Variants in TXNRD2 observed in about 807,000 individuals in gnomAD.
TXNRD2 encodes the protein thioredoxin reductase 2, also known as thioredoxin reductase 2, mitochondrial.
Under a neutral mutation model 70.8 loss-of-function variants are expected in TXNRD2, and 67 were observed. That is an observed-to-expected ratio of 0.95 (90% confidence interval 0.78 to 1.16). The LOEUF is 1.16. TXNRD2 is among the 50% of genes most tolerant of loss of function. The probability of loss-of-function intolerance (pLI) is 0.00; values close to 1 mark genes in which losing one functional copy is unlikely to be tolerated. For synonymous variants in TXNRD2, 301 were observed against 295.8 expected (o/e 1.02, Z -0.18); for missense variants, 644 against 719.9 (o/e 0.89, Z 1.21).
intron 8 of TXNRD2, among the ~76,000 whole-genome samples, chr22:19,902,406 A>G (rs1319755856): frequency 6.6e-6 from 1 of 152,220 alleles, no homozygotes; most frequent in Non-Finnish European, 1.5e-5. Flanking sequence ...TTAAAGAGCA[A>G]TCCATCTGCC....
At chr22:19,941,475 C>A in intron 1 of TXNRD2, 1 of 651,368 alleles carries the variant, frequency 1.5e-6, no homozygotes, top group Non-Finnish European at 2.3e-6. Flanking sequence ...CACAGCAGGA[C>A]CTTAGACAAG....
chr22:19,934,745 G>A (rs1417171246), intron 1 of TXNRD2, among the ~76,000 whole-genome samples: 1 of 151,890 alleles, frequency 6.6e-6, no homozygotes, highest in Non-Finnish European at 1.5e-5. Flanking sequence ...TGTACTTTCA[G>A]GAGAGACAGG....
rs565397993 is a variant in TXNRD2, at chr22:19,875,970, G to A, written c.*66-163C>T. 5.9e-5 allele frequency: 9 copies of A among 152,374 alleles called. No individual in the cohort carries two copies. In the East Asian group the frequency reaches 1.5e-3, roughly 26 times the overall value. The allele number at this position is 152,374 out of a possible 1,614,324, so 9.4% of individuals were successfully genotyped here. Reference sequence around the variant, plus strand: ...AGGGCGATGCGTCACAGGGAGCGACGCGGTGCTACAAAAATATTTTGAAAT... The same window carrying A: ...AGGGCGATGCGTCACAGGGAGCGACACGGTGCTACAAAAATATTTTGAAAT... On this transcript the variant is annotated intron_variant, in intron 17 of 17. Coordinates refer to ENST00000400521, the MANE Select transcript of TXNRD2 (RefSeq NM_006440.5).
rs1376947898 is a variant in TXNRD2 at position 19,893,590 on chromosome 22, C to G, written c.949+1817G>C. 2.6e-5 allele frequency among the ~76,000 whole-genome samples: 4 copies of G among 152,340 alleles called. No individual in the cohort carries two copies. In the South Asian group the frequency reaches 8.3e-4, roughly 32 times the overall value. On this transcript the variant is annotated intron_variant, in intron 11 of 17. Coordinates refer to ENST00000400521, the MANE Select transcript of TXNRD2 (RefSeq NM_006440.5). ...GCCAGTCCCGTCAGACAGCCCCGGC[C>G]CAGGCCTGGGCACAGGTATCCCCTG... is the stretch of plus-strand genomic sequence containing the variant.
intron 2 of TXNRD2, among the ~76,000 whole-genome samples, chr22:19,926,264 CG>C (rs1227656605): frequency 6.6e-6 from 1 of 151,400 alleles, no homozygotes; most frequent in Non-Finnish European, 1.5e-5. Flanking sequence ...CCGAGGTGGG[CG>C]GATCACCTGA....
chr22:19,884,743 G>T (rs776969413), intron 11 of TXNRD2, among the ~76,000 whole-genome samples: 7 of 152,200 alleles, frequency 4.6e-5, no homozygotes, highest in Non-Finnish European at 8.8e-5. Flanking sequence ...CCTGGGATCT[G>T]GCCCTCTGCC....
intron 5 of TXNRD2, among the ~76,000 whole-genome samples, chr22:19,917,449 CCCCAGGAAGACCCG>C (rs1397899927): frequency 2.6e-5 from 4 of 152,164 alleles, no homozygotes; most frequent in South Asian, 2.1e-4. Context: ...TGCTGTGAAG[CCCCAGGAAGACCCG>C]CCCTGGGGCC....
chr22:19,900,081 G>A (rs553720055), intron 8 of TXNRD2, among the ~76,000 whole-genome samples: 16 of 152,338 alleles, frequency 1.1e-4, no homozygotes, highest in South Asian at 2.1e-4. Context: ...GGTGCCCTGC[G>A]GGAAGCATCT....
Position 19,904,687 on chromosome 22 carries a change from C to A in TXNRD2, c.663-5619G>T, listed in dbSNP as rs554821467. 7.3e-4 allele frequency among the ~76,000 whole-genome samples: 111 copies of A among 152,292 alleles called. 1 individual carries two copies. The highest frequency in any genetic ancestry group is 3.4e-3 in the Middle Eastern group (1 of 294). ...GGGACGAGGGAGGCCTCGTGCACGC[C>A]GCAGAGCCCACCGAGGGCCTGGGGC... On this transcript the variant is annotated intron_variant, in intron 8 of 17. Coordinates refer to ENST00000400521, the MANE Select transcript of TXNRD2 (RefSeq NM_006440.5).
intron 8 of TXNRD2, among the ~76,000 whole-genome samples, chr22:19,899,690 C>T (rs1410782386): frequency 6.6e-6 from 1 of 152,270 alleles, no homozygotes; most frequent in African/African-American, 2.4e-5. Flanking sequence ...CCACACTCCA[C>T]ATGTGTTTTG....
In TXNRD2 at chr22:19,930,981, G is replaced by A. The variant is rs201153214; in HGVS notation, c.172+49C>T. On this transcript the variant is annotated intron_variant, in intron 2 of 17. Transcript: ENST00000400521. ...TTCTGGACAGCACCACCCTCTCTAGGGGCCCTAAAAGCTTCGAGGCCTTGC... is the reference window on the plus strand; with the variant it reads ...TTCTGGACAGCACCACCCTCTCTAGAGGCCCTAAAAGCTTCGAGGCCTTGC... 42 of 1,561,110 alleles carry A rather than the reference G, an allele frequency of 2.7e-5. No homozygotes were observed. The African/African-American group carries it at 5.1e-4, about 19-fold the overall frequency.
At position 19,911,427 on chromosome 22, in the gene TXNRD2, A is replaced by C; in HGVS notation, c.612T>G (p.Tyr204Ter). Residue 204 changes from tyrosine (Y) to a stop codon, truncating the protein, a stop_gained, in exon 8 of 18, where the codon TAT becomes TAG. Transcript: ENST00000400521. LOFTEE classifies it high-confidence loss of function. ...YPTHIEGALE[Y>*]GITSDDIFWL... Reference sequence around the variant, plus strand: ...AGAAGATGTCATCACTTGTGATTCCATATTCCAAGGCACCTTCGATCTGTC... The same window carrying C: ...AGAAGATGTCATCACTTGTGATTCCCTATTCCAAGGCACCTTCGATCTGTC... 1.2e-6 allele frequency: 2 copies of C among 1,614,004 alleles called. No individual in the cohort carries two copies. Among genetic ancestry groups the C allele is most frequent in the Non-Finnish European group, 1.7e-6 (2 of 1,179,952 alleles).
At chr22:19,892,641 G>T (rs1192848190) in intron 11 of TXNRD2, among the ~76,000 whole-genome samples, 2 of 152,238 alleles carry the variant, frequency 1.3e-5, no homozygotes, top group Admixed American at 6.5e-5. Flanking sequence ...ATCCCTATGG[G>T]CTTGGTCGAG....
Position 19,899,046 on chromosome 22 carries a change from T to C in TXNRD2, c.682+3A>G. 1 of 1,606,610 alleles carries C rather than the reference T, an allele frequency of 6.2e-7. No homozygotes were observed. The highest frequency in any genetic ancestry group is 8.5e-7 in the Non-Finnish European group (1 of 1,179,952). ...CGGCCACCTGCACGCTTGCAAAGGA[T>C]ACAGCTGGCCCCGACCACCAACCTG... On this transcript the variant is annotated splice_donor_region_variant and intron_variant, in intron 9 of 17. Transcript: ENST00000400521.
intron 2 of TXNRD2, among the ~76,000 whole-genome samples, chr22:19,930,326 T>A (rs1941310267): frequency 6.6e-6 from 1 of 152,006 alleles, no homozygotes; most frequent in Non-Finnish European, 1.5e-5. Context: ...TCCCTCCCCA[T>A]TCACCACAAC....
chr22:19,880,294 G>A (rs375437542), intron 13 of TXNRD2, 23 bp from the exon 14 acceptor site: 2 of 1,612,086 alleles, frequency 1.2e-6, no homozygotes, highest in Non-Finnish European at 1.7e-6. Context: ...CTGGAGTCAG[G>A]GAGGGCCCTT....
intron 4 of TXNRD2, 128 bp downstream of exon 4, chr22:19,918,732 C>A: frequency 8.7e-7 from 1 of 1,144,586 alleles, no homozygotes; most frequent in Non-Finnish European, 1.3e-6. Flanking sequence ...AGCGCAGAGT[C>A]GCCCCTGGCT....
chr22:19,936,236 C>G (rs1941534678), intron 1 of TXNRD2, among the ~76,000 whole-genome samples: 1 of 152,106 alleles, frequency 6.6e-6, no homozygotes, highest in Non-Finnish European at 1.5e-5. Flanking sequence ...CCACAGTTTT[C>G]TGAATCTGGC....
chr22:19,941,010 G>C (rs1013142742), intron 1 of TXNRD2, among the ~76,000 whole-genome samples: 8 of 152,324 alleles, frequency 5.3e-5, no homozygotes, highest in African/African-American at 1.9e-4. Context: ...TACACTCACT[G>C]CCTGTGGGGA....
Sources: gnomAD v4.1 joint callset for allele counts (sites outside exome capture counted in the v4.1 genomes callset) on GRCh38, gnomAD v4.1.1 for gene constraint, MANE v1.5 for transcripts, NCBI Gene and HGNC (gene_info 2026-07-23, HGNC 2026-07-21) for gene names.